Variants in ARHGAP42 observed in about 807,000 individuals in gnomAD.
ARHGAP42 encodes the protein rho GTPase-activating protein 42.
ARHGAP42 carries 63 observed loss-of-function variants against 125.0 expected under a neutral mutation model. The ratio of observed to expected loss-of-function variants is 0.50; its 90% CI spans 0.41 to 0.62. The LOEUF (loss-of-function observed/expected upper bound fraction) is 0.62. ARHGAP42 is among the 20% of genes least tolerant of loss of function. ARHGAP42 has a pLI of 0.00. For synonymous variants in ARHGAP42, 339 were observed against 351.0 expected (o/e 0.97, Z 0.38); for missense variants, 766 against 1,024.2 (o/e 0.75, Z 3.44).
intron 1 of ARHGAP42, among the ~76,000 whole-genome samples, chr11:100,769,838 AG>A (rs1182834872): frequency 6.9e-6 from 1 of 144,232 alleles, no homozygotes; most frequent in East Asian, 2.2e-4. Flanking sequence ...GGGGAGGTGT[AG>A]GGGGATGGAG....
chr11:100,933,794 CT>C (rs35724249), intron 7 of ARHGAP42, among the ~76,000 whole-genome samples: 8 of 148,544 alleles, frequency 5.4e-5, no homozygotes, highest in Non-Finnish European at 3.0e-5. Context: ...TTAGAGAAGT[CT>C]TTTTTTTTTT....
intron 3 of ARHGAP42, among the ~76,000 whole-genome samples, chr11:100,805,274 A>G (rs2135049786): frequency 6.6e-6 from 1 of 152,140 alleles, no homozygotes; most frequent in African/African-American, 2.4e-5. Context: ...ACAAATTAAG[A>G]CTCTATTTCA....
intron 1 of ARHGAP42, among the ~76,000 whole-genome samples, chr11:100,702,421 A>G (rs1861411618): frequency 6.6e-6 from 1 of 152,174 alleles, no homozygotes; most frequent in Non-Finnish European, 1.5e-5. Context: ...GTCACAGGTC[A>G]TCATAAAGAT....
rs149006673 is a variant in ARHGAP42 at position 100,805,076 on chromosome 11, C to T, written c.312+9910C>T. 9.6e-4 allele frequency among the ~76,000 whole-genome samples: 146 copies of T among 152,292 alleles called. 2 individuals are homozygous for T. In the East Asian group the frequency reaches 0.027, roughly 28 times the overall value. On this transcript the variant is annotated intron_variant, in intron 3 of 23. Coordinates refer to ENST00000298815, the MANE Select transcript of ARHGAP42 (RefSeq NM_152432.4). ...ACTGCTGCAGTTGCTTCATGTGTTT[C>T]AACTAATTTAATATGAACAGCAGTC...
intron 4 of ARHGAP42, among the ~76,000 whole-genome samples, chr11:100,862,243 A>C (rs1865461613): frequency 6.6e-6 from 1 of 152,200 alleles, no homozygotes; most frequent in Admixed American, 6.5e-5. Flanking sequence ...GAAAGAGTCA[A>C]CATGTTCCCC....
chr11:100,991,922 A>G lies in ARHGAP42; in HGVS notation c.*3121A>G, dbSNP rs79225098. On this transcript the variant is annotated 3_prime_UTR_variant, in exon 24 of 24. Transcript: ENST00000298815. ...AGGTTTCCAAGTAGGAAAAATAAAGATACATATGACTTTTATTATTATTCG... is the reference window on the plus strand; with the variant it reads ...AGGTTTCCAAGTAGGAAAAATAAAGGTACATATGACTTTTATTATTATTCG... The G allele has an allele frequency of 6.1e-6, 1 of 164,112 alleles. No individual in the cohort carries two copies. 10.2% of individuals were successfully genotyped at this position (164,112 alleles called of 1,614,324 possible). A position where few individuals can be genotyped will look rare whatever the true frequency, so the allele number is the denominator to read the frequency against.
chr11:100,843,048 A>G (rs1005202663), intron 3 of ARHGAP42, among the ~76,000 whole-genome samples: 11 of 152,162 alleles, frequency 7.2e-5, no homozygotes, highest in Non-Finnish European at 1.3e-4. Flanking sequence ...GAAAAGTTAA[A>G]TAAAATGGAT....
intron 10 of ARHGAP42, among the ~76,000 whole-genome samples, chr11:100,944,855 C>T (rs191854046): frequency 6.6e-6 from 1 of 151,934 alleles, no homozygotes. Flanking sequence ...AACTGATCAG[C>T]ATGGTGGTTA....
intron 3 of ARHGAP42, among the ~76,000 whole-genome samples, chr11:100,822,580 A>G (rs1409049658): frequency 2.0e-5 from 3 of 151,998 alleles, no homozygotes; most frequent in Admixed American, 6.6e-5. Flanking sequence ...CATGGTGGGG[A>G]TGATTGAATT....
chr11:100,878,765 A>G (rs538370842), intron 4 of ARHGAP42, among the ~76,000 whole-genome samples: 2 of 152,180 alleles, frequency 1.3e-5, no homozygotes, highest in East Asian at 3.9e-4. Context: ...TATCTTGCAC[A>G]TGTTCTGCTT....
intron 3 of ARHGAP42, among the ~76,000 whole-genome samples, chr11:100,836,339 A>G (rs1864785308): frequency 6.6e-6 from 1 of 152,150 alleles, no homozygotes; most frequent in Non-Finnish European, 1.5e-5. Flanking sequence ...AAGGAAGATT[A>G]GAATTTTATG....
At chr11:100,892,217 A>G (rs766103858) in intron 4 of ARHGAP42, among the ~76,000 whole-genome samples, 3 of 152,220 alleles carry the variant, frequency 2.0e-5, no homozygotes, top group Non-Finnish European at 4.4e-5. Flanking sequence ...TAACTAAAAT[A>G]TGGATAATGA....
chr11:100,706,107 G>A (rs111259906), intron 1 of ARHGAP42, among the ~76,000 whole-genome samples: 2,016 of 151,022 alleles, frequency 0.013, 61 homozygotes, highest in African/African-American at 0.046. Flanking sequence ...AGCCTCCCAC[G>A]TAGCTGGGAC....
At chr11:100,710,569 T>C (rs765337770) in intron 1 of ARHGAP42, among the ~76,000 whole-genome samples, 57 of 95,460 alleles carry the variant, frequency 6.0e-4, no homozygotes, top group Non-Finnish European at 9.4e-4. Context: ...AGACAGAGTC[T>C]CGCTCTGTCC....
intron 4 of ARHGAP42, among the ~76,000 whole-genome samples, chr11:100,869,112 T>C (rs1250067458): frequency 6.6e-6 from 1 of 151,976 alleles, no homozygotes; most frequent in Non-Finnish European, 1.5e-5. Context: ...TGTGTTGGTT[T>C]TTGAATATTG....
At chr11:100,964,320 T>C (rs1160323840) in intron 16 of ARHGAP42, among the ~76,000 whole-genome samples, 1 of 152,198 alleles carries the variant, frequency 6.6e-6, no homozygotes, top group Non-Finnish European at 1.5e-5. Context: ...CTCTACTGTA[T>C]TTCTATCATT....
intron 1 of ARHGAP42, among the ~76,000 whole-genome samples, chr11:100,741,870 G>A (rs1406374537): frequency 5.3e-5 from 8 of 152,168 alleles, no homozygotes; most frequent in Non-Finnish European, 1.0e-4. Context: ...ACTAGGGACT[G>A]CAATGTGCAG....
chr11:100,950,345 A>G (rs1422821424), intron 12 of ARHGAP42, among the ~76,000 whole-genome samples: 1 of 146,728 alleles, frequency 6.8e-6, no homozygotes, highest in Non-Finnish European at 1.5e-5. Context: ...ATATAATTAT[A>G]TATAAATACT....
chr11:100,800,712 C>A (rs1451841955), intron 3 of ARHGAP42, among the ~76,000 whole-genome samples: 1 of 152,116 alleles, frequency 6.6e-6, no homozygotes, highest in Non-Finnish European at 1.5e-5. Context: ...TGAAATCATA[C>A]TGTGGGTTTT....
Sources: allele counts gnomAD v4.1 joint callset (sites outside exome capture counted in the v4.1 genomes callset), GRCh38; gene constraint gnomAD v4.1.1; transcripts MANE v1.5; gene names NCBI Gene and HGNC (gene_info 2026-07-23, HGNC 2026-07-21).